Variants in AP2S1 observed in about 807,000 individuals in gnomAD.
AP2S1 encodes the protein AP-2 complex subunit sigma.
A neutral mutation model predicts 21.0 loss-of-function variants in AP2S1; 6 were observed. The ratio of observed to expected loss-of-function variants is 0.29; its 90% confidence interval spans 0.16 to 0.56. The LOEUF is 0.56. Among genes scored for constraint, AP2S1 ranks in the 20% least tolerant of loss-of-function variants. AP2S1 has a pLI of 0.92. For synonymous variants in AP2S1, 63 were observed against 74.6 expected (o/e 0.84, Z 0.80); for missense variants, 60 against 186.2 (o/e 0.32, Z 3.95).
chr19:46,848,253 G>A (rs1022500301), intron 1 of AP2S1, among the ~76,000 whole-genome samples: 8 of 151,908 alleles, frequency 5.3e-5, no homozygotes, highest in Non-Finnish European at 1.0e-4. Context: ...GGGGGGAGGC[G>A]GCTATAATCC....
At chr19:46,849,959 C>G (rs978405060) in intron 1 of AP2S1, among the ~76,000 whole-genome samples, 1 of 152,174 alleles carries the variant, frequency 6.6e-6, no homozygotes, top group Non-Finnish European at 1.5e-5. Context: ...TTTCCTAGAT[C>G]CAAAGCCCCA....
Position 46,846,488 on chromosome 19 carries a change from C to G in AP2S1, c.4-346G>C, listed in dbSNP as rs149261218. On this transcript the variant is annotated intron_variant, in intron 1 of 4. Transcript: ENST00000263270. ...GTAGAGACAGAGTCTTGCTACGTTG[C>G]TGGTCTCAAACTCCTGGACTCAAGC... 5.0e-3 allele frequency among the ~76,000 whole-genome samples: 631 copies of G among 126,990 alleles called. 7 individuals are homozygous for G. Among genetic ancestry groups the G allele is most frequent in the African/African-American group, 0.019 (617 of 32,422 alleles). The allele number at this position is 126,990 out of a possible 152,430, so 83.3% of individuals were successfully genotyped here. A position where few individuals can be genotyped will look rare whatever the true frequency, so the allele number is the denominator to read the frequency against.
chr19:46,850,317 T>C (rs2122817615), intron 1 of AP2S1: 1 of 1,241,704 alleles, frequency 8.1e-7, no homozygotes, highest in Non-Finnish European at 1.0e-6. Flanking sequence ...CTCTAGAGAC[T>C]CCTCCCATCA....
At chr19:46,843,107 C>A (rs1158600511) in intron 2 of AP2S1, among the ~76,000 whole-genome samples, 1 of 152,210 alleles carries the variant, frequency 6.6e-6, no homozygotes, top group African/African-American at 2.4e-5. Context: ...CAGATAATGA[C>A]AGCTCCATCC....
At chr19:46,845,609 A>C in intron 2 of AP2S1, 1 of 168,330 alleles carries the variant, frequency 5.9e-6, no homozygotes. Context: ...GTGTTTGAAC[A>C]TTCTATAGGA....
chr19:46,845,826 G>A, intron 2 of AP2S1, 167 bp downstream of exon 2: 1 of 815,124 alleles, frequency 1.2e-6, no homozygotes, highest in Non-Finnish European at 1.9e-6. Context: ...ACAATGAAAA[G>A]TACAAGTAAA....
At chr19:46,850,404 TCTTTCG>T (rs1723761036) in intron 1 of AP2S1, 1 of 1,170,956 alleles carries the variant, frequency 8.5e-7, no homozygotes, top group African/African-American at 1.6e-5. Context: ...AGCGCCTTCC[TCTTTCG>T]GACGCCCTCT....
chr19:46,845,035 T>G (rs114596350), intron 2 of AP2S1, among the ~76,000 whole-genome samples: 4,599 of 143,980 alleles, frequency 0.032, 227 homozygotes, highest in African/African-American at 0.11. Flanking sequence ...CTGGAGGAGG[T>G]TGCAGTGAGC....
In AP2S1 at chr19:46,850,811, T is replaced by G. The variant is rs771201476; in HGVS notation, c.-45A>C. 2.8e-5 allele frequency: 43 copies of G among 1,537,786 alleles called. No individual in the cohort carries two copies. The highest frequency in any genetic ancestry group is 3.4e-5 in the Non-Finnish European group (39 of 1,142,460). On this transcript the variant is annotated 5_prime_UTR_variant, in exon 1 of 5. Transcript: ENST00000263270. ...CCAGCGGCCCCGGTCCCGCGGCGAC[T>G]GGGCAGCTCCGGCTCAGGGTGCAGT...
intron 1 of AP2S1, among the ~76,000 whole-genome samples, chr19:46,847,103 T>A (rs1455941349): frequency 1.3e-5 from 2 of 152,216 alleles, no homozygotes; most frequent in Non-Finnish European, 2.9e-5. Context: ...TTTTTTCTCT[T>A]TGCTTCCTAA....
At chr19:46,847,709 T>C (rs2055662206) in intron 1 of AP2S1, among the ~76,000 whole-genome samples, 1 of 152,192 alleles carries the variant, frequency 6.6e-6, no homozygotes, top group Non-Finnish European at 1.5e-5. Context: ...GTGGCTTTCG[T>C]GTCTGGCTTC....
chr19:46,843,292 CCT>C (rs1245643974), intron 2 of AP2S1, among the ~76,000 whole-genome samples: 3 of 152,212 alleles, frequency 2.0e-5, no homozygotes, highest in African/African-American at 7.2e-5. Context: ...ACTGCAGCCA[CCT>C]CTCTCCGAGC....
chr19:46,850,378 C>T, intron 1 of AP2S1: 7 of 1,241,314 alleles, frequency 5.6e-6, no homozygotes, highest in South Asian at 3.4e-5. Flanking sequence ...TCCCAGCGCT[C>T]CCGCCACACT....
intron 3 of AP2S1, among the ~76,000 whole-genome samples, chr19:46,839,179 C>A (rs1449045624): frequency 6.8e-6 from 1 of 147,652 alleles, no homozygotes; most frequent in African/African-American, 2.5e-5. Context: ...CCCAGCTACT[C>A]AAGAGGCTGA....
At chr19:46,839,764 C>T (rs2055484392) in intron 2 of AP2S1, 186 bp from the exon 3 acceptor site, 1 of 954,192 alleles carries the variant, frequency 1.0e-6, no homozygotes, top group Non-Finnish European at 1.5e-6. Flanking sequence ...GCAGCGGGGG[C>T]AGGCATCCCC....
chr19:46,838,216 G>A lies in AP2S1; in HGVS notation c.*231C>T. ...GGGGACTCCACGCACAGACGCTTAT[G>A]GCATCACACGACAACGGCACGGTTA... On this transcript the variant is annotated 3_prime_UTR_variant, in exon 5 of 5. Transcript: ENST00000263270. This position sits in a 1 kb window ranked among gnomAD's most constrained non-coding sequence, Gnocchi z 4.1. 1 of 573,706 alleles carries A rather than the reference G, an allele frequency of 1.7e-6. No homozygotes were observed. The highest frequency in any genetic ancestry group is 2.9e-5 in the East Asian group (1 of 34,412). 35.5% of individuals were successfully genotyped at this position (573,706 alleles called of 1,614,324 possible). A position where few individuals can be genotyped will look rare whatever the true frequency, so the allele number is the denominator to read the frequency against.
chr19:46,839,073 A>C (rs1056628646), intron 3 of AP2S1, among the ~76,000 whole-genome samples: 7 of 151,956 alleles, frequency 4.6e-5, no homozygotes, highest in Middle Eastern at 3.4e-3. Flanking sequence ...GATGACTTGA[A>C]GTTAGGAGTG....
At chr19:46,841,551 C>T (rs944309755) in intron 2 of AP2S1, among the ~76,000 whole-genome samples, 2 of 152,208 alleles carry the variant, frequency 1.3e-5, no homozygotes, top group African/African-American at 4.8e-5. Flanking sequence ...TGCCCCACCC[C>T]TGCCCTGCCC....
intron 2 of AP2S1, among the ~76,000 whole-genome samples, chr19:46,845,478 G>C (rs2122789317): frequency 6.6e-6 from 1 of 151,854 alleles, no homozygotes; most frequent in Non-Finnish European, 1.5e-5. Flanking sequence ...ACAAGGTCTT[G>C]CTACATTGCC....
Sources: gnomAD v4.1 joint callset for allele counts (sites outside exome capture counted in the v4.1 genomes callset) on GRCh38, gnomAD v4.1.1 for gene constraint, Gnocchi (gnomAD v3.1) non-coding constraint, MANE v1.5 for transcripts, NCBI Gene and HGNC (gene_info 2026-07-23, HGNC 2026-07-21) for gene names.